Variants in CMIP observed in about 807,000 individuals in gnomAD.
CMIP encodes C-Maf-inducing protein.
In CMIP, 13 loss-of-function variants were observed where a neutral mutation model predicts 97.3. The ratio of observed to expected loss-of-function variants is 0.13; its 90% CI spans 0.09 to 0.21. CMIP has a LOEUF of 0.21. Among genes scored for constraint, CMIP ranks in the 10% least tolerant of loss-of-function variants. The pLI, the probability that CMIP is intolerant of heterozygous loss-of-function variation, is 1.00. For synonymous variants in CMIP, 538 were observed against 436.3 expected (o/e 1.23, Z -2.91); for missense variants, 847 against 1,024.9 (o/e 0.83, Z 2.37).
intron 1 of CMIP, among the ~76,000 whole-genome samples, chr16:81,599,236 C>G (rs1301779982): frequency 6.6e-6 from 1 of 151,944 alleles, no homozygotes; most frequent in African/African-American, 2.4e-5. Flanking sequence ...AGCCCCGGGG[C>G]AAGGAGAGGT....
chr16:81,660,277 T>C, intron 5 of CMIP, among the ~76,000 whole-genome samples: 1 of 151,784 alleles, frequency 6.6e-6, no homozygotes, highest in African/African-American at 2.4e-5. Flanking sequence ...TTTTTCTTTT[T>C]TCTTTTTTTT....
In CMIP at chr16:81,628,670, G is replaced by A. The variant is rs377581636; in HGVS notation, c.477+7744G>A. 7.9e-5 allele frequency among the ~76,000 whole-genome samples: 12 copies of A among 152,232 alleles called. No homozygotes were observed. The East Asian group carries it at 1.4e-3, about 17-fold the overall frequency. ...GGCTCCCAACTGTACATGCATGCAT[G>A]TACACAGACACACGCTACCCAGACA... On this transcript the variant is annotated intron_variant, in intron 3 of 20. Coordinates refer to ENST00000537098, the MANE Select transcript of CMIP (RefSeq NM_198390.3).
intron 1 of CMIP, among the ~76,000 whole-genome samples, chr16:81,480,393 A>T (rs1400201133): frequency 6.6e-6 from 1 of 152,078 alleles, no homozygotes; most frequent in Non-Finnish European, 1.5e-5. Flanking sequence ...TATAAAAATT[A>T]GCCAGGCGTG....
intron 10 of CMIP, among the ~76,000 whole-genome samples, 177 bp downstream of exon 10, chr16:81,678,805 C>T (rs908070611): frequency 1.6e-4 from 24 of 152,344 alleles, no homozygotes; most frequent in African/African-American, 5.3e-4. Context: ...ACAAGTGTGG[C>T]TGTGAGTACA....
chr16:81,638,993 A>G (rs897608054), intron 3 of CMIP, among the ~76,000 whole-genome samples: 1 of 152,096 alleles, frequency 6.6e-6, no homozygotes, highest in Non-Finnish European at 1.5e-5. Flanking sequence ...CGGGATTAGG[A>G]CCGTGTGAAG....
chr16:81,583,922 C>T (rs1044630826), intron 1 of CMIP, among the ~76,000 whole-genome samples: 1 of 151,980 alleles, frequency 6.6e-6, no homozygotes, highest in Admixed American at 6.6e-5. Flanking sequence ...GAGAGGGAAT[C>T]GTTGGAAGCA....
At chr16:81,668,883 C>T (rs1365358525) in intron 7 of CMIP, among the ~76,000 whole-genome samples, 1 of 146,174 alleles carries the variant, frequency 6.8e-6, no homozygotes, top group Non-Finnish European at 1.5e-5. Context: ...ACACTCATTG[C>T]CTTCCGTACC....
chr16:81,488,108 TG>T (rs2089347271), intron 1 of CMIP, among the ~76,000 whole-genome samples: 1 of 152,006 alleles, frequency 6.6e-6, no homozygotes, highest in Non-Finnish European at 1.5e-5. Flanking sequence ...GACTGCTGCA[TG>T]ACTTTTATTT....
At chr16:81,495,519 T>A in intron 1 of CMIP, 1 of 1,611,810 alleles carries the variant, frequency 6.2e-7, no homozygotes, top group Non-Finnish European at 8.5e-7. Context: ...GGGGAACGAC[T>A]CTGTCCAGCT....
intron 3 of CMIP, among the ~76,000 whole-genome samples, chr16:81,645,029 G>A (rs530489006): frequency 2.0e-5 from 3 of 152,370 alleles, no homozygotes; most frequent in Admixed American, 2.0e-4. Context: ...CTGCGATGAT[G>A]AAAATGTTCT....
chr16:81,650,539 G>A (rs907192729), intron 3 of CMIP, among the ~76,000 whole-genome samples: 2 of 152,154 alleles, frequency 1.3e-5, no homozygotes, highest in African/African-American at 4.8e-5. Flanking sequence ...GACACCAGTG[G>A]CAATGAGTAT....
intron 1 of CMIP, among the ~76,000 whole-genome samples, chr16:81,551,952 G>C (rs972600136): frequency 6.6e-6 from 1 of 152,248 alleles, no homozygotes; most frequent in Non-Finnish European, 1.5e-5. Flanking sequence ...CATGGACGCT[G>C]TTCCCCACCG....
At chr16:81,542,199 A>G (rs2090462155) in intron 1 of CMIP, among the ~76,000 whole-genome samples, 1 of 152,224 alleles carries the variant, frequency 6.6e-6, no homozygotes, top group African/African-American at 2.4e-5. Flanking sequence ...TAAAAGCAGC[A>G]GGAGTTGGTT....
At chr16:81,630,135 G>A (rs2092134839) in intron 3 of CMIP, 1 of 152,258 alleles carries the variant, frequency 6.6e-6, no homozygotes, top group Non-Finnish European at 1.5e-5. Context: ...TGAGTCAAAT[G>A]AAACCAAGCT....
Position 81,614,981 on chromosome 16 carries a change from G to T in CMIP, c.427-5895G>T, listed in dbSNP as rs1405967709. Among the ~76,000 whole-genome samples the T allele has an allele frequency of 6.6e-6, 1 of 151,130 alleles. No homozygotes were observed. Among genetic ancestry groups the T allele is most frequent in the African/African-American group, 2.4e-5 (1 of 41,036 alleles). ...TGGTGTGTTGTGTGATATGTGACGT[G>T]TGTGTGTGGTGTATGTGTCTATATG... On this transcript the variant is annotated intron_variant, in intron 2 of 20. Coordinates refer to ENST00000537098, the MANE Select transcript of CMIP (RefSeq NM_198390.3). The surrounding 1 kb of genome is among the most constrained non-coding windows in gnomAD (Gnocchi z 5.3).
intron 1 of CMIP, among the ~76,000 whole-genome samples, chr16:81,557,146 G>A (rs2090779498): frequency 6.6e-6 from 1 of 152,220 alleles, no homozygotes; most frequent in South Asian, 2.1e-4. Flanking sequence ...CCTCTCTACT[G>A]TCTTTTCAGC....
chr16:81,690,461 C>G (rs1009595369), intron 10 of CMIP, among the ~76,000 whole-genome samples: 1 of 152,188 alleles, frequency 6.6e-6, no homozygotes, highest in African/African-American at 2.4e-5. Context: ...GAAGTATCCA[C>G]CAAGGCCAGG....
intron 9 of CMIP, among the ~76,000 whole-genome samples, chr16:81,675,924 C>G (rs1337500184): frequency 6.6e-6 from 1 of 152,196 alleles, no homozygotes; most frequent in East Asian, 1.9e-4. Flanking sequence ...CTGGGGATCA[C>G]TCTGTAAGTA....
chr16:81,545,245 A>G (rs2090524114), intron 1 of CMIP, among the ~76,000 whole-genome samples: 1 of 152,108 alleles, frequency 6.6e-6, no homozygotes, highest in Admixed American at 6.5e-5. Context: ...GTGGTGTTTG[A>G]TTTAATGCAT....
Sources: gnomAD v4.1 joint callset for allele counts (sites outside exome capture counted in the v4.1 genomes callset) on GRCh38, gnomAD v4.1.1 for gene constraint, Gnocchi (gnomAD v3.1) non-coding constraint, MANE v1.5 for transcripts, NCBI Gene and HGNC (gene_info 2026-07-23, HGNC 2026-07-21) for gene names.